NEGR1: variants seen among roughly 807,000 people sequenced by gnomAD.
NEGR1 encodes IgLON family member 4.
In NEGR1, 10 loss-of-function variants were observed where a neutral mutation model predicts 40.9. The observed-to-expected ratio is 0.24, with a 90% confidence interval of 0.15 to 0.42. The LOEUF (loss-of-function observed/expected upper bound fraction) is 0.42, where lower values mean the gene tolerates loss of function less well. Ranked by LOEUF, NEGR1 falls within the 10% of genes least tolerant of loss-of-function variation. The probability of loss-of-function intolerance (pLI) is 1.00; values close to 1 mark genes in which losing one functional copy is unlikely to be tolerated. For missense variants in NEGR1, 352 were observed against 438.9 expected, an observed-to-expected ratio of 0.80 and a Z score of 1.77; for synonymous variants, 185 against 166.8, an observed-to-expected ratio of 1.11 and a Z score of -0.84.
At chr1:72,092,097 A>G (rs947329980) in intron 1 of NEGR1, among the ~76,000 whole-genome samples, 1 of 152,098 alleles carries the variant, frequency 6.6e-6, no homozygotes, top group Non-Finnish European at 1.5e-5. Context: ...TAGACATTGA[A>G]TCAGTGTAAG....
At chr1:71,935,506 C>T (rs1328704200) in intron 1 of NEGR1, among the ~76,000 whole-genome samples, 195 bp from the exon 2 acceptor site, 2 of 147,306 alleles carry the variant, frequency 1.4e-5, no homozygotes, top group African/African-American at 5.2e-5. Context: ...TACTTGTGTA[C>T]AGTTTTTTTA....
chr1:72,000,175 G>GT (rs1341784116), intron 1 of NEGR1, among the ~76,000 whole-genome samples: 1 of 151,990 alleles, frequency 6.6e-6, no homozygotes, highest in Non-Finnish European at 1.5e-5. Flanking sequence ...ATGAATGATG[G>GT]TTTTTTCTAT....
intron 4 of NEGR1, among the ~76,000 whole-genome samples, chr1:71,651,685 T>C (rs1570153064): frequency 1.3e-5 from 2 of 152,264 alleles, no homozygotes; most frequent in South Asian, 4.1e-4. Context: ...TTCTATCCTG[T>C]ACATGTTGAA....
chr1:71,680,734 C>G (rs1443482799), intron 4 of NEGR1, among the ~76,000 whole-genome samples: 1 of 152,158 alleles, frequency 6.6e-6, no homozygotes. Context: ...CACTTCAGCT[C>G]TAGCCTGCTT....
intron 6 of NEGR1, among the ~76,000 whole-genome samples, chr1:71,427,613 C>A (rs915761688): frequency 1.3e-5 from 2 of 152,052 alleles, no homozygotes; most frequent in Admixed American, 6.6e-5. Context: ...ATTTCCTGCA[C>A]CTTTAAAAAA....
At chr1:71,855,955 C>A (rs944860962) in intron 2 of NEGR1, among the ~76,000 whole-genome samples, 2 of 152,018 alleles carry the variant, frequency 1.3e-5, no homozygotes, top group African/African-American at 4.8e-5. Flanking sequence ...CCATACCACA[C>A]AACTCCTCTG....
intron 1 of NEGR1, among the ~76,000 whole-genome samples, chr1:71,978,148 G>A (rs1179529002): frequency 6.6e-6 from 1 of 152,048 alleles, no homozygotes; most frequent in Non-Finnish European, 1.5e-5. Context: ...TTTTATTTCA[G>A]CCTTTATAGT....
intron 2 of NEGR1, among the ~76,000 whole-genome samples, chr1:71,875,437 T>C (rs1471401273): frequency 6.6e-6 from 1 of 152,176 alleles, no homozygotes; most frequent in African/African-American, 2.4e-5. Context: ...TTCTGAGTCT[T>C]TGGAATTTAG....
chr1:71,873,072 G>C (rs1474031498), intron 2 of NEGR1, among the ~76,000 whole-genome samples: 3 of 145,882 alleles, frequency 2.1e-5, no homozygotes, highest in Non-Finnish European at 4.5e-5. Context: ...ACTGGAAAAC[G>C]GTAGAAATTG....
chr1:72,165,894 T>A (rs1651747032), intron 1 of NEGR1, among the ~76,000 whole-genome samples: 1 of 152,054 alleles, frequency 6.6e-6, no homozygotes, highest in Admixed American at 6.6e-5. Context: ...TCACATTGGT[T>A]TTTGATTAGG....
At chr1:71,493,837 G>T (rs1339471392) in intron 6 of NEGR1, among the ~76,000 whole-genome samples, 1 of 152,120 alleles carries the variant, frequency 6.6e-6, no homozygotes, top group Non-Finnish European at 1.5e-5. Context: ...CAGAATTTAT[G>T]TGTTTTGCTC....
intron 1 of NEGR1, among the ~76,000 whole-genome samples, chr1:72,074,733 T>G (rs1647647002): frequency 6.6e-6 from 1 of 152,148 alleles, no homozygotes; most frequent in South Asian, 2.1e-4. Context: ...TATTTTTACT[T>G]CATTCTATAT....
intron 3 of NEGR1, among the ~76,000 whole-genome samples, chr1:71,718,287 C>T (rs1424414308): frequency 6.6e-6 from 1 of 152,112 alleles, no homozygotes; most frequent in Non-Finnish European, 1.5e-5. Context: ...CTGAGAGCTG[C>T]TCATTTAAAA....
intron 6 of NEGR1, among the ~76,000 whole-genome samples, chr1:71,548,223 C>T (rs1192277863): frequency 6.6e-6 from 1 of 151,652 alleles, no homozygotes; most frequent in East Asian, 2.0e-4. Flanking sequence ...ATTTATTATG[C>T]ATCAAAACAT....
intron 1 of NEGR1, among the ~76,000 whole-genome samples, chr1:72,149,906 GAAAGAAAGAAA>G (rs1210733412): frequency 1.2e-4 from 14 of 121,204 alleles, no homozygotes; most frequent in Admixed American, 3.2e-4. Flanking sequence ...AAAAAAGAAA[GAAAGAAAGAAA>G]AAAGAAAGAA....
In NEGR1 at chr1:71,676,168, G is replaced by T. The variant is rs1333843034; in HGVS notation, c.667+21840C>A. On this transcript the variant is annotated intron_variant, in intron 4 of 6. Transcript: ENST00000357731. ...TTAATTAATCTTATTTGGGAAGAGGGTTCCAAGCCACTAAGGACACTTTTT... is the reference window on the plus strand; with the variant it reads ...TTAATTAATCTTATTTGGGAAGAGGTTTCCAAGCCACTAAGGACACTTTTT... Among the ~76,000 whole-genome samples, 9 of 152,202 alleles carry T rather than the reference G, an allele frequency of 5.9e-5. No individual in the cohort carries two copies. In the East Asian group the frequency reaches 1.7e-3, roughly 29 times the overall value.
At chr1:71,611,221 AT>A (rs1650239107) in intron 4 of NEGR1, 75 bp from the exon 5 acceptor site, 2 of 1,360,752 alleles carry the variant, frequency 1.5e-6, no homozygotes, top group African/African-American at 2.9e-5. Flanking sequence ...ACACACATAT[AT>A]TTTTATTCCT....
chr1:72,274,412 T>TGATTTA (rs1655966076), intron 1 of NEGR1: 2 of 479,286 alleles, frequency 4.2e-6, no homozygotes, highest in Non-Finnish European at 7.6e-6. Context: ...TAGAATCTCC[T>TGATTTA]GAACCTCAAG....
chr1:71,869,087 A>G (rs1413009425), intron 2 of NEGR1, among the ~76,000 whole-genome samples: 1 of 152,174 alleles, frequency 6.6e-6, no homozygotes, highest in African/African-American at 2.4e-5. Flanking sequence ...GTTCATCTGC[A>G]TCTTTTACCT....
Sources: gnomAD v4.1 joint callset for allele counts (sites outside exome capture counted in the v4.1 genomes callset) on GRCh38, gnomAD v4.1.1 for gene constraint, MANE v1.5 for transcripts, NCBI Gene and HGNC (gene_info 2026-07-23, HGNC 2026-07-21) for gene names.